The following TRPC5 variants were observed in gnomAD, a reference collection of about 807,000 sequenced individuals.
The protein encoded by TRPC5 is transient receptor potential cation channel subfamily C member 5.
TRPC5 carries 9 observed loss-of-function variants against 56.5 expected under a neutral mutation model. The observed-to-expected ratio is 0.16, with a 90% confidence interval of 0.10 to 0.28. TRPC5 has a LOEUF of 0.28. TRPC5 is among the 10% of genes least tolerant of loss of function. The pLI is 1.00. For synonymous variants in TRPC5, 282 were observed against 278.5 expected (o/e 1.01, Z -0.13); for missense variants, 469 against 748.9 (o/e 0.63, Z 4.36).
chrX:111,888,215 G>A (rs774010035), intron 3 of TRPC5, among the ~76,000 whole-genome samples: 4 of 111,424 alleles, frequency 3.6e-5, no homozygotes, highest in Non-Finnish European at 7.5e-5. Context: ...GAGCAGGAGA[G>A]AGAAAAATAG....
At chrX:111,825,217 TTCTTCTTTCTTTC>T (rs1922186870) in intron 7 of TRPC5, among the ~76,000 whole-genome samples, 11 of 80,725 alleles carry the variant, frequency 1.4e-4, no homozygotes, top group Non-Finnish European at 2.4e-4. Flanking sequence ...CTTTCTTTCT[TTCTTCTTTCTTTC>T]TCTCTCTCTC....
intron 1 of TRPC5, among the ~76,000 whole-genome samples, chrX:112,003,889 GGTT>G (rs1928765038): frequency 8.9e-6 from 1 of 111,945 alleles, no homozygotes; most frequent in Admixed American, 9.5e-5. Flanking sequence ...TCACTAAGAA[GGTT>G]GTTGTTAAAA....
intron 6 of TRPC5, among the ~76,000 whole-genome samples, chrX:111,837,674 C>T (rs1168525845): frequency 9.0e-6 from 1 of 111,201 alleles, no homozygotes. Flanking sequence ...TCTACCCCTA[C>T]AACAATTAAA....
At chrX:111,913,069 T>C (rs1157946156) in intron 2 of TRPC5, among the ~76,000 whole-genome samples, 1 of 111,441 alleles carries the variant, frequency 9.0e-6, no homozygotes, top group Non-Finnish European at 1.9e-5. Flanking sequence ...TCTTCCCATA[T>C]GAAGAAGCTG....
chrX:111,787,596 A>T (rs1458458961), intron 7 of TRPC5, among the ~76,000 whole-genome samples: 1 of 107,540 alleles, frequency 9.3e-6, no homozygotes, highest in African/African-American at 3.6e-5. Context: ...AAAAAAAAAA[A>T]CCCTTCAAAA....
At position 111,853,785 on chromosome X, in the gene TRPC5, A is replaced by G. The variant is rs200848517; in HGVS notation, c.1222T>C (p.Leu408=). The part of the protein sequence containing the change: ...PPPTVVEWMI[L]PWVLGFIWGE... The stretch of plus-strand genomic sequence containing the variant: ...TTTGACTTACCTAGAACCCAAGGCA[A>G]TATCATCCATTCCACGACAGTTGGG... The change falls in exon 4 of 11, where the codon TTG becomes CTG. Residue 408 remains leucine (L), a synonymous_variant. Coordinates refer to ENST00000262839, the MANE Select transcript of TRPC5 (RefSeq NM_012471.3). 13 of 1,209,984 alleles carry G rather than the reference A, an allele frequency of 1.1e-5. No individual in the cohort carries two copies. In the East Asian group the frequency reaches 3.3e-4, roughly 30 times the overall value.
At chrX:111,953,416 A>G (rs1440221128) in intron 1 of TRPC5, among the ~76,000 whole-genome samples, 1 of 112,437 alleles carries the variant, frequency 8.9e-6, no homozygotes, top group African/African-American at 3.2e-5. Context: ...TTTGTCTTCA[A>G]TCACATAGAA....
chrX:112,011,125 A>G (rs767010023), intron 1 of TRPC5, among the ~76,000 whole-genome samples: 1 of 111,758 alleles, frequency 8.9e-6, no homozygotes, highest in East Asian at 2.8e-4. Flanking sequence ...CACCATGTAC[A>G]TGGTAGACTG....
chrX:111,901,285 C>T (rs1275171163), intron 3 of TRPC5, among the ~76,000 whole-genome samples: 1 of 110,985 alleles, frequency 9.0e-6, no homozygotes, highest in Non-Finnish European at 1.9e-5. Flanking sequence ...AAAAGAGATG[C>T]TCAAGAAAGA....
intron 4 of TRPC5, 78 bp from the exon 5 acceptor site, chrX:111,852,515 G>A: frequency 9.9e-7 from 1 of 1,011,294 alleles, no homozygotes; most frequent in Non-Finnish European, 1.3e-6. Flanking sequence ...CCCTCCAGGT[G>A]AATAAGGATG....
intron 7 of TRPC5, among the ~76,000 whole-genome samples, chrX:111,805,754 A>T (rs1020780062): frequency 5.4e-5 from 6 of 110,762 alleles, no homozygotes; most frequent in African/African-American, 2.0e-4. Flanking sequence ...GCTTACTGCA[A>T]CCTCACCTCC....
chrX:111,920,363 A>C (rs901950424), intron 2 of TRPC5, among the ~76,000 whole-genome samples: 1 of 111,651 alleles, frequency 9.0e-6, no homozygotes, highest in African/African-American at 3.3e-5. Flanking sequence ...AAACTGTGAC[A>C]TATGGAAACC....
intron 7 of TRPC5, among the ~76,000 whole-genome samples, chrX:111,783,625 T>C (rs974289070): frequency 4.5e-5 from 5 of 110,203 alleles, no homozygotes; most frequent in Admixed American, 2.0e-4. Context: ...ATATGTAATA[T>C]AATATAGAAT....
chrX:111,805,463 T>C (rs979352255), intron 7 of TRPC5, among the ~76,000 whole-genome samples: 6 of 111,399 alleles, frequency 5.4e-5, no homozygotes, highest in African/African-American at 2.0e-4. Flanking sequence ...AGAATTCGGC[T>C]GTGAATCCAT....
chrX:111,779,090 A>G lies in TRPC5; in HGVS notation c.2143-16T>C, dbSNP rs1945900217. On this transcript the variant is annotated splice_polypyrimidine_tract_variant and intron_variant, in intron 9 of 10. Transcript: ENST00000262839. ...TGATAACTTCCTGGAATTACAAAAC[A>G]TGAAGAAGCATTCAGTCTCCTTCTC... The G allele has an allele frequency of 4.4e-6, 5 of 1,124,055 alleles. No homozygotes were observed. The highest frequency in any genetic ancestry group is 4.9e-6 in the Non-Finnish European group (4 of 822,314). 92.6% of individuals were successfully genotyped at this position (1,124,055 alleles called of 1,213,427 possible). A position where few individuals can be genotyped will look rare whatever the true frequency, so the allele number is the denominator to read the frequency against.
At chrX:112,004,478 C>T (rs1464455298) in intron 1 of TRPC5, among the ~76,000 whole-genome samples, 2 of 112,124 alleles carry the variant, frequency 1.8e-5, no homozygotes, top group Non-Finnish European at 3.8e-5. Context: ...TTCCTGGAAC[C>T]ACACTATCAA....
intron 3 of TRPC5, among the ~76,000 whole-genome samples, chrX:111,874,035 C>A (rs767453291): frequency 9.0e-6 from 1 of 111,566 alleles, no homozygotes; most frequent in Non-Finnish European, 1.9e-5. Context: ...GAAGGATCCT[C>A]AATGCTCGGA....
In TRPC5 at chrX:111,833,808, A is replaced by T. The variant is rs1023647498; in HGVS notation, c.1896+1113T>A. Among the ~76,000 whole-genome samples, 3 of 111,392 alleles carry T rather than the reference A, an allele frequency of 2.7e-5. No homozygotes were observed. In the Admixed American group the frequency reaches 2.9e-4, roughly 11 times the overall value. On this transcript the variant is annotated intron_variant, in intron 7 of 10. Coordinates refer to ENST00000262839, the MANE Select transcript of TRPC5 (RefSeq NM_012471.3). ...ATATATCTATGTATATGTAACAAGT[A>T]ATTTGAGCTTCTTTTCTATAGGCTA... is the stretch of plus-strand genomic sequence containing the variant.
intron 6 of TRPC5, among the ~76,000 whole-genome samples, chrX:111,841,823 G>T (rs1922742270): frequency 9.1e-6 from 1 of 109,979 alleles, no homozygotes; most frequent in Admixed American, 9.8e-5. Context: ...TGATTCTCCT[G>T]CCCCAGCCTC....
Sources: gnomAD v4.1 joint callset for allele counts (sites outside exome capture counted in the v4.1 genomes callset) on GRCh38, gnomAD v4.1.1 for gene constraint, MANE v1.5 for transcripts, NCBI Gene and HGNC (gene_info 2026-07-23, HGNC 2026-07-21) for gene names.